PPHLN1: variants seen among roughly 807,000 people sequenced by gnomAD.
PPHLN1 encodes periphilin 1.
Under a neutral mutation model 51.3 loss-of-function variants are expected in PPHLN1, and 29 were observed. The observed-to-expected ratio is 0.57, with a 90% CI of 0.42 to 0.77. PPHLN1 has a LOEUF of 0.77. PPHLN1 is among the 30% of genes least tolerant of loss of function. The pLI, the probability that PPHLN1 is intolerant of heterozygous loss-of-function variation, is 0.00. For missense variants in PPHLN1, 436 were observed against 438.4 expected, an observed-to-expected ratio of 0.99 and a Z score of 0.05; for synonymous variants, 147 against 147.8, an observed-to-expected ratio of 0.99 and a Z score of 0.04.
chr12:42,424,892 C>CAG (rs3990829), intron 9 of PPHLN1, among the ~76,000 whole-genome samples: 92,089 of 151,532 alleles, frequency 0.61, 28,140 homozygotes, highest in Admixed American at 0.67. Context: ...TTACAGAAAA[C>CAG]AAAAAGAAAA....
At chr12:42,446,164 T>G, downstream of PPHLN1, 1 of 1,605,946 alleles carries the variant, frequency 6.2e-7, no homozygotes, top group Non-Finnish European at 8.5e-7. Flanking sequence ...CCCCAGACAT[T>G]ACCTGGGGGA....
At chr12:42,334,106 C>G (rs910451845) in intron 1 of PPHLN1, among the ~76,000 whole-genome samples, 2 of 152,064 alleles carry the variant, frequency 1.3e-5, no homozygotes, top group African/African-American at 4.8e-5. Context: ...TAGACTGAAA[C>G]CTTTAGTGGA....
intron 1 of PPHLN1, among the ~76,000 whole-genome samples, chr12:42,330,202 G>GT: frequency 6.6e-6 from 1 of 152,340 alleles, no homozygotes; most frequent in East Asian, 1.9e-4. Flanking sequence ...CCACAGGGTG[G>GT]TTTTCTCCTA....
intron 4 of PPHLN1, among the ~76,000 whole-genome samples, chr12:42,369,028 C>T (rs1442021290): frequency 6.6e-6 from 1 of 152,128 alleles, no homozygotes; most frequent in African/African-American, 2.4e-5. Context: ...GGTCAGCTGT[C>T]TGTTTTTGTA....
At chr12:42,381,439 T>G (rs1374459600) in intron 5 of PPHLN1, among the ~76,000 whole-genome samples, 1 of 152,130 alleles carries the variant, frequency 6.6e-6, no homozygotes, top group Non-Finnish European at 1.5e-5. Context: ...GCTCACGTGG[T>G]TTTTAGCTGA....
chr12:42,388,185 G>C (rs1430009415), intron 7 of PPHLN1, among the ~76,000 whole-genome samples: 1 of 152,188 alleles, frequency 6.6e-6, no homozygotes, highest in African/African-American at 2.4e-5. Flanking sequence ...GCCTCTTGCA[G>C]TTGAGATAGT....
At chr12:42,399,364 C>A in intron 9 of PPHLN1, 1 of 865,084 alleles carries the variant, frequency 1.2e-6, no homozygotes, top group South Asian at 5.3e-5. Flanking sequence ...TATGTTTTTT[C>A]ATTATACTTT....
intron 9 of PPHLN1, among the ~76,000 whole-genome samples, chr12:42,426,182 A>ACACACACG (rs2081447734): frequency 3.5e-5 from 2 of 57,406 alleles, no homozygotes; most frequent in Admixed American, 1.9e-4. Flanking sequence ...CCACACACAC[A>ACACACACG]CACACACACA....
Position 42,384,959 on chromosome 12 carries a change from C to G in PPHLN1, c.531C>G (p.Ala177=), listed in dbSNP as rs969690071. Residue 177 remains alanine (A), a synonymous_variant, in exon 6 of 10, where the codon GCC becomes GCG. Coordinates refer to ENST00000358314, the MANE Select transcript of PPHLN1 (RefSeq NM_201439.2). Reference sequence around the variant, plus strand: ...CCATAGAGTCCGTGCGTCCTGGTGCCTCCTACAAACGGCAGAATGAAGGAA... The same window carrying G: ...CCATAGAGTCCGTGCGTCCTGGTGCGTCCTACAAACGGCAGAATGAAGGAA... ...SQHRKSVRPG[A]SYKRQNEGNP... is the part of the protein sequence containing the mutation. 1.1e-5 allele frequency: 18 copies of G among 1,611,900 alleles called. No homozygotes were observed. Among genetic ancestry groups the G allele is most frequent in the East Asian group, 2.2e-5 (1 of 44,864 alleles).
chr12:42,426,265 A>G (rs1404287729), intron 9 of PPHLN1, among the ~76,000 whole-genome samples: 1 of 150,514 alleles, frequency 6.6e-6, no homozygotes, highest in African/African-American at 2.5e-5. Context: ...AGGAATCATA[A>G]TCAGATGACC....
intron 9 of PPHLN1, among the ~76,000 whole-genome samples, chr12:42,436,737 G>T (rs2082519730): frequency 6.6e-6 from 1 of 152,118 alleles, no homozygotes; most frequent in Non-Finnish European, 1.5e-5. Flanking sequence ...TGACTAACAG[G>T]TGGGTAGTAT....
intron 9 of PPHLN1, among the ~76,000 whole-genome samples, chr12:42,408,801 A>G (rs1353692616): frequency 6.6e-6 from 1 of 152,166 alleles, no homozygotes; most frequent in Non-Finnish European, 1.5e-5. Flanking sequence ...ATCTTGAAAT[A>G]AGGCAGAAAT....
intron 2 of PPHLN1, among the ~76,000 whole-genome samples, chr12:42,339,631 G>A (rs1025659975): frequency 2.6e-5 from 4 of 152,160 alleles, no homozygotes; most frequent in African/African-American, 9.7e-5. Flanking sequence ...AGAACTAAGT[G>A]CACTTACATT....
At chr12:42,397,487 T>G (rs988757566) in intron 8 of PPHLN1, among the ~76,000 whole-genome samples, 44 of 152,182 alleles carry the variant, frequency 2.9e-4, no homozygotes, top group African/African-American at 9.9e-4. Flanking sequence ...TGCTTTTTGT[T>G]TCTGAAAGCT....
intron 4 of PPHLN1, among the ~76,000 whole-genome samples, chr12:42,372,455 C>A (rs1470812451): frequency 6.6e-6 from 1 of 152,172 alleles, no homozygotes; most frequent in Non-Finnish European, 1.5e-5. Flanking sequence ...TCCTCTCTAT[C>A]CTGTAAGCAA....
rs777621572 is a variant in PPHLN1 at position 42,398,954 on chromosome 12, G to A, written c.869G>A (p.Arg290His). The change falls in exon 9 of 10, where the codon CGC becomes CAC. Residue 290 changes from arginine to histidine, a missense_variant. Transcript: ENST00000358314. ...ELFEDSQLTT[R>H]SKAIASKTKE... ...TTTGAAGATAGTCAGCTAACCACTC[G>A]CTCTAAAGCAATAGCATCAAAAACC... is the stretch of plus-strand genomic sequence containing the variant. 8 of 1,613,852 alleles carry A rather than the reference G, an allele frequency of 5.0e-6. No homozygotes were observed. Among genetic ancestry groups the A allele is most frequent in the East Asian group, 2.2e-5 (1 of 44,866 alleles).
At chr12:42,435,135 TAAG>T in intron 9 of PPHLN1, among the ~76,000 whole-genome samples, 1 of 152,248 alleles carries the variant, frequency 6.6e-6, no homozygotes, top group Non-Finnish European at 1.5e-5. Flanking sequence ...AAAAAACTAA[TAAG>T]CTGAAAGGGA....
At chr12:42,337,403 C>T (rs1368415259) in intron 2 of PPHLN1, among the ~76,000 whole-genome samples, 1 of 151,804 alleles carries the variant, frequency 6.6e-6, no homozygotes, top group South Asian at 2.1e-4. Flanking sequence ...TCAAGCGATT[C>T]TTCTGTCTCA....
chr12:42,441,884 T>C lies in PPHLN1; in HGVS notation c.*375T>C, dbSNP rs1165710095. 1.0e-6 allele frequency: 1 copy of C among 998,222 alleles called. No homozygotes were observed. The highest frequency in any genetic ancestry group is 4.6e-5 in the South Asian group (1 of 21,722). 61.8% of individuals were successfully genotyped at this position (998,222 alleles called of 1,614,324 possible). Reference sequence around the variant, plus strand: ...GTGATTTTATTGACTTGTTGCTTGCTTTTTCTTAGGCTTTGTAACTTGTAA... The same window carrying C: ...GTGATTTTATTGACTTGTTGCTTGCCTTTTCTTAGGCTTTGTAACTTGTAA... On this transcript the variant is annotated 3_prime_UTR_variant, in exon 10 of 10. Coordinates refer to ENST00000358314, the MANE Select transcript of PPHLN1 (RefSeq NM_201439.2).
Sources: gnomAD v4.1 joint callset for allele counts (sites outside exome capture counted in the v4.1 genomes callset) on GRCh38, gnomAD v4.1.1 for gene constraint, MANE v1.5 for transcripts, NCBI Gene and HGNC (gene_info 2026-07-23, HGNC 2026-07-21) for gene names.